TAS1R2: variants seen among roughly 807,000 people sequenced by gnomAD.
TAS1R2 encodes the protein taste 1 receptor member 2.
A neutral mutation model predicts 49.3 loss-of-function variants in TAS1R2; 47 were observed. The observed-to-expected ratio is 0.95, with a 90% CI of 0.75 to 1.22. The LOEUF is 1.22. Ranked by LOEUF, TAS1R2 falls within the 50% of genes most tolerant of loss-of-function variation. The probability of loss-of-function intolerance (pLI) is 0.00; values close to 1 mark genes in which losing one functional copy is unlikely to be tolerated. For missense variants in TAS1R2, 1,155 were observed against 1,122.1 expected (o/e 1.03, Z -0.42); for synonymous variants, 479 against 467.9 (o/e 1.02, Z -0.31).
At chr1:18,857,860 C>G (rs753024485) in intron 1 of TAS1R2, among the ~76,000 whole-genome samples, 6 of 152,112 alleles carry the variant, frequency 3.9e-5, no homozygotes, top group Admixed American at 6.5e-5. Flanking sequence ...ATGTGGCCAT[C>G]ATCACTACTA....
chr1:18,850,596 C>G (rs573453444), intron 3 of TAS1R2, among the ~76,000 whole-genome samples: 16 of 152,400 alleles, frequency 1.0e-4, no homozygotes, highest in African/African-American at 2.6e-4. Flanking sequence ...GGAATCAGGT[C>G]CTGGGTGCCC....
intron 4 of TAS1R2, 145 bp from the exon 5 acceptor site, chr1:18,841,997 A>AC (rs1376518780): frequency 1.1e-5 from 11 of 995,470 alleles, no homozygotes; most frequent in East Asian, 8.1e-5. Context: ...AAAAAAAAAA[A>AC]AACTCTCATG....
At chr1:18,856,757 A>T (rs1427380329) in intron 2 of TAS1R2, among the ~76,000 whole-genome samples, 3 of 152,204 alleles carry the variant, frequency 2.0e-5, no homozygotes, top group Admixed American at 2.0e-4. Context: ...CTGATCTTTA[A>T]TGAATATATA....
At chr1:18,844,060 T>C (rs1933874482) in intron 4 of TAS1R2, among the ~76,000 whole-genome samples, 1 of 152,148 alleles carries the variant, frequency 6.6e-6, no homozygotes, top group South Asian at 2.1e-4. Flanking sequence ...ACAAGTAGGT[T>C]GGTTTGATAT....
Position 18,854,998 on chromosome 1 carries a change from A to G in TAS1R2, c.484-12T>C. ...GCGCTGTAGGTGATCTGCAAGGGGA[A>G]GGGCTGTGGCATGAGCGAGTGCCCC... is the stretch of plus-strand genomic sequence containing the variant. On this transcript the variant is annotated splice_polypyrimidine_tract_variant and intron_variant, in intron 2 of 5. Transcript: ENST00000375371. This position sits in a 1 kb window ranked among gnomAD's most constrained non-coding sequence, Gnocchi z 4.9. 2 of 1,598,016 alleles carry G rather than the reference A, an allele frequency of 1.3e-6. No homozygotes were observed. Among genetic ancestry groups the G allele is most frequent in the Non-Finnish European group, 1.7e-6 (2 of 1,167,680 alleles).
At chr1:18,847,892 G>A (rs1933951021) in intron 4 of TAS1R2, among the ~76,000 whole-genome samples, 1 of 152,242 alleles carries the variant, frequency 6.6e-6, no homozygotes, top group African/African-American at 2.4e-5. Flanking sequence ...CAGAAGGCAA[G>A]GAGAAGCAAG....
At chr1:18,857,257 G>T in intron 2 of TAS1R2, 74 bp downstream of exon 2, 1 of 1,482,138 alleles carries the variant, frequency 6.7e-7, no homozygotes, top group Non-Finnish European at 9.1e-7. Flanking sequence ...TGGAGGAAGT[G>T]GCTTCTGAGG....
rs371487542 is a variant in TAS1R2, at chr1:18,854,308, C to A, written c.1162G>T (p.Val388Leu). The change falls in exon 3 of 6, where the codon GTG becomes TTG. Residue 388 changes from valine to leucine, a missense_variant. Transcript: ENST00000375371. This position sits in a 1 kb window ranked among gnomAD's most constrained non-coding sequence, Gnocchi z 4.9. ...GCCACAGCATAGACCGCAGAGTACA[C>A]GCTGTAGACGACACGCTCCCCAGAG... The A allele has an allele frequency of 6.2e-7, 1 of 1,613,990 alleles. No individual in the cohort carries two copies. Among genetic ancestry groups the A allele is most frequent in the Admixed American group, 1.7e-5 (1 of 59,986 alleles).
chr1:18,856,521 A>T (rs1934138875), intron 2 of TAS1R2, among the ~76,000 whole-genome samples: 1 of 152,084 alleles, frequency 6.6e-6, no homozygotes, highest in African/African-American at 2.4e-5. Flanking sequence ...GTCTCTCTCC[A>T]CTAGAAGAGA....
chr1:18,859,460 C>G lies in TAS1R2; in HGVS notation c.182+19G>C. Reference sequence around the variant, plus strand: ...ACCCCATCCCCACTGCCACTTCCAGCCCCACACTGGAGACTCACTCCTTGC... The same window carrying G: ...ACCCCATCCCCACTGCCACTTCCAGGCCCACACTGGAGACTCACTCCTTGC... On this transcript the variant is annotated intron_variant, in intron 1 of 5. Transcript: ENST00000375371. 1 of 1,613,498 alleles carries G rather than the reference C, an allele frequency of 6.2e-7. No individual in the cohort carries two copies. Among genetic ancestry groups the G allele is most frequent in the Non-Finnish European group, 8.5e-7 (1 of 1,179,594 alleles).
chr1:18,847,416 A>G (rs28539071), intron 4 of TAS1R2, among the ~76,000 whole-genome samples: 2,039 of 152,238 alleles, frequency 0.013, 43 homozygotes, highest in East Asian at 0.1. Context: ...AGGCCTAGGA[A>G]ACTAACACAG....
In TAS1R2 at chr1:18,847,403, G is replaced by A. The variant is rs200707118; in HGVS notation, c.1467+1938C>T. ...CACCCCAGTCTGTGATACTTTGTGAGGCAGGCCTAGGAAACTAACACAGAC... is the reference window on the plus strand; with the variant it reads ...CACCCCAGTCTGTGATACTTTGTGAAGCAGGCCTAGGAAACTAACACAGAC... On this transcript the variant is annotated intron_variant, in intron 4 of 5. Transcript: ENST00000375371. 3.3e-3 allele frequency among the ~76,000 whole-genome samples: 42 copies of A among 12,568 alleles called. 1 individual carries two copies. Among genetic ancestry groups the A allele is most frequent in the African/African-American group, 6.4e-3 (35 of 5,486 alleles). The allele number at this position is 12,568 out of a possible 152,430, so 8.2% of individuals were successfully genotyped here. A position where few individuals can be genotyped will look rare whatever the true frequency, so the allele number is the denominator to read the frequency against.
Position 18,859,474 on chromosome 1 carries a change from C to T in TAS1R2, c.182+5G>A, listed in dbSNP as rs1557601392. On this transcript the variant is annotated splice_donor_5th_base_variant and intron_variant, in intron 1 of 5. Coordinates refer to ENST00000375371, the Ensembl canonical transcript of TAS1R2. ...GCCACTTCCAGCCCCACACTGGAGA[C>T]TCACTCCTTGCACATGGGCACCTGC... 1.2e-6 allele frequency: 2 copies of T among 1,613,998 alleles called. No homozygotes were observed. The highest frequency in any genetic ancestry group is 1.1e-5 in the South Asian group (1 of 91,068).
rs370333179 is a variant in TAS1R2 at position 18,854,482 on chromosome 1, C to T, written c.988G>A (p.Val330Met). Residue 330 changes from valine (V) to methionine (M), a missense_variant, in exon 3 of 6, where the codon GTG (valine) becomes ATG (methionine). Val to Met is a conservative substitution (Grantham distance 21). Transcript: ENST00000375371. This position sits in a 1 kb window ranked among gnomAD's most constrained non-coding sequence, Gnocchi z 4.9. Reference sequence around the variant, plus strand: ...AACTCACTGAAGCCCGGGATGGGCACGCTCTGGATGGTGATGCCCAGGAAG... The same window carrying T: ...AACTCACTGAAGCCCGGGATGGGCATGCTCTGGATGGTGATGCCCAGGAAG... 1.4e-5 allele frequency: 22 copies of T among 1,613,982 alleles called. No individual in the cohort carries two copies. Among genetic ancestry groups the T allele is most frequent in the Admixed American group, 6.7e-5 (4 of 60,000 alleles).
At chr1:18,845,035 A>G (rs890060160) in intron 4 of TAS1R2, among the ~76,000 whole-genome samples, 11 of 152,190 alleles carry the variant, frequency 7.2e-5, no homozygotes, top group African/African-American at 2.2e-4. Flanking sequence ...TGAAAGATCT[A>G]TTACATCAGA....
In TAS1R2 at chr1:18,854,406, T is replaced by C; in HGVS notation, c.1064A>G (p.Gln355Arg). The C allele has an allele frequency of 6.2e-7, 1 of 1,613,728 alleles. No individual in the cohort carries two copies. Among genetic ancestry groups the C allele is most frequent in the Non-Finnish European group, 8.5e-7 (1 of 1,179,752 alleles). Residue 355 changes from glutamine (Q) to arginine (R), a missense_variant, in exon 3 of 6, where the codon CAG (glutamine) becomes CGG (arginine). Gln to Arg is a conservative substitution (Grantham distance 43). Transcript: ENST00000375371. The surrounding 1 kb of genome is among the most constrained non-coding windows in gnomAD (Gnocchi z 4.9). ...GCACTCCTGGTTGCAGGTATAGCTC[T>C]GGCTGGTCCTGCTGAGGGGTGGCGG...
At chr1:18,839,999 C>T (rs754453014) in exon 6 of TAS1R2, 37 of 1,614,140 alleles carry the variant, frequency 2.3e-5, no homozygotes, top group Middle Eastern at 1.6e-4. Flanking sequence ...GGGGTCAGTA[C>T]GGGTGGTGGG....
intron 4 of TAS1R2, 155 bp downstream of exon 4, chr1:18,849,186 A>C: frequency 1.2e-6 from 1 of 811,406 alleles, no homozygotes; most frequent in Non-Finnish European, 1.9e-6. Flanking sequence ...GGGGGAAGGA[A>C]AGGACCCCAG....
intron 2 of TAS1R2, among the ~76,000 whole-genome samples, chr1:18,855,778 G>C (rs1934128976): frequency 6.6e-6 from 1 of 152,144 alleles, no homozygotes; most frequent in Non-Finnish European, 1.5e-5. Flanking sequence ...CCCCCATCTT[G>C]GCTGGTGATG....
Sources: allele counts gnomAD v4.1 joint callset (sites outside exome capture counted in the v4.1 genomes callset), GRCh38; gene constraint gnomAD v4.1.1; non-coding constraint Gnocchi (gnomAD v3.1); transcripts MANE v1.5; gene names NCBI Gene and HGNC (gene_info 2026-07-23, HGNC 2026-07-21).